RBPMS: variants seen among roughly 807,000 people sequenced by gnomAD.
The protein encoded by RBPMS is RNA binding protein, mRNA processing factor, also known as RNA-binding protein with multiple splicing.
Under a neutral mutation model 26.8 loss-of-function variants are expected in RBPMS, and 7 were observed. The observed-to-expected ratio is 0.26, with a 90% CI of 0.15 to 0.49. The LOEUF (loss-of-function observed/expected upper bound fraction) is 0.49, where lower values mean the gene tolerates loss of function less well. Ranked by LOEUF, RBPMS falls within the 20% of genes least tolerant of loss-of-function variation. The probability of loss-of-function intolerance (pLI) is 0.98; values close to 1 mark genes in which losing one functional copy is unlikely to be tolerated. For missense variants in RBPMS, 186 were observed against 250.0 expected, an observed-to-expected ratio of 0.74 and a Z score of 1.73; for synonymous variants, 96 against 93.3, an observed-to-expected ratio of 1.03 and a Z score of -0.17.
intron 1 of RBPMS, among the ~76,000 whole-genome samples, chr8:30,460,013 A>T (rs1219611549): frequency 6.6e-6 from 1 of 152,334 alleles, no homozygotes; most frequent in East Asian, 1.9e-4. Flanking sequence ...TAAGCAACAT[A>T]TAAACTTAAT....
At chr8:30,547,192 T>A (rs776681580) in intron 6 of RBPMS, 32 of 850,982 alleles carry the variant, frequency 3.8e-5, no homozygotes, top group Non-Finnish European at 5.5e-5. Flanking sequence ...AGTCTTTGTT[T>A]TGGAAATCTT....
chr8:30,500,116 T>C (rs1820394615), intron 4 of RBPMS, among the ~76,000 whole-genome samples: 1 of 152,228 alleles, frequency 6.6e-6, no homozygotes, highest in Non-Finnish European at 1.5e-5. Context: ...TTTTTAATTC[T>C]GTATTGGATT....
chr8:30,538,624 T>C (rs1159089644), intron 5 of RBPMS, among the ~76,000 whole-genome samples: 1 of 152,178 alleles, frequency 6.6e-6, no homozygotes, highest in African/African-American at 2.4e-5. Context: ...AGCCAGTGAA[T>C]GGGTTTGACA....
rs765147039 is a variant in RBPMS at position 30,555,295 on chromosome 8, CCAAA to C, written c.529-3589_529-3586del. Among the ~76,000 whole-genome samples the C allele has an allele frequency of 1.7e-3, 252 of 152,190 alleles. 4 individuals are homozygous for C. Among genetic ancestry groups the C allele is most frequent in the Admixed American group, 5.9e-3 (90 of 15,296 alleles). ...CCTGAAGAAGAGGGATGGTAGAATC[CCAAA>C]CAGTGTGGCCCTGGGTAGTGAACTG... On this transcript the variant is annotated intron_variant, in intron 6 of 8. Transcript: ENST00000397323.
At chr8:30,556,313 G>A (rs112979301) in intron 6 of RBPMS, 41 of 985,656 alleles carry the variant, frequency 4.2e-5, no homozygotes, top group Middle Eastern at 5.2e-4. Flanking sequence ...AGTGCGCCTC[G>A]ACCAGGCTGA....
intron 1 of RBPMS, among the ~76,000 whole-genome samples, chr8:30,464,104 A>C (rs1391505559): frequency 1.3e-5 from 2 of 152,232 alleles, no homozygotes; most frequent in South Asian, 4.1e-4. Flanking sequence ...GCAGTGAGCT[A>C]TGATTGTGCC....
intron 1 of RBPMS, among the ~76,000 whole-genome samples, chr8:30,444,329 A>G (rs955746639): frequency 6.6e-6 from 1 of 152,390 alleles, no homozygotes. Flanking sequence ...TAAGCGGGAT[A>G]AATTAAAGCT....
At chr8:30,478,740 C>T (rs1317373254) in intron 3 of RBPMS, among the ~76,000 whole-genome samples, 8 of 152,144 alleles carry the variant, frequency 5.3e-5, no homozygotes, top group South Asian at 2.1e-4. Context: ...CCTCGTGATC[C>T]GCCCACCTTG....
At chr8:30,498,807 AATGGTG>A (rs1302591765) in intron 4 of RBPMS, among the ~76,000 whole-genome samples, 2 of 152,150 alleles carry the variant, frequency 1.3e-5, no homozygotes, top group African/African-American at 4.8e-5. Context: ...GAATTAACCA[AATGGTG>A]TTAGATTGGA....
intron 7 of RBPMS, chr8:30,561,867 C>T (rs748151858): frequency 5.9e-5 from 58 of 984,994 alleles, no homozygotes; most frequent in Middle Eastern, 5.2e-4. Flanking sequence ...GAAGCAGTTG[C>T]GTGGGTTCCA....
chr8:30,512,824 T>C (rs749353817), intron 5 of RBPMS, among the ~76,000 whole-genome samples: 3 of 152,152 alleles, frequency 2.0e-5, no homozygotes, highest in Non-Finnish European at 4.4e-5. Context: ...CTCCTTAAGC[T>C]CTAGGAAACT....
At chr8:30,422,050 G>C (rs528852097) in intron 1 of RBPMS, among the ~76,000 whole-genome samples, 61 of 152,152 alleles carry the variant, frequency 4.0e-4, no homozygotes, top group Admixed American at 8.5e-4. Flanking sequence ...CTTAAAAGCA[G>C]TAGGGGGCTG....
At chr8:30,532,060 TAAATG>T (rs1327535766) in intron 5 of RBPMS, among the ~76,000 whole-genome samples, 2 of 152,234 alleles carry the variant, frequency 1.3e-5, no homozygotes, top group Non-Finnish European at 2.9e-5. Flanking sequence ...CTTCTGCTCT[TAAATG>T]AAGAGCATTG....
intron 5 of RBPMS, among the ~76,000 whole-genome samples, chr8:30,517,659 C>T (rs1585735441): frequency 6.6e-6 from 1 of 152,124 alleles, no homozygotes; most frequent in Admixed American, 6.5e-5. Flanking sequence ...CAGTTCTGCT[C>T]TTGGAGTGTT....
intron 1 of RBPMS, among the ~76,000 whole-genome samples, chr8:30,431,334 C>CTTTCT (rs796413973): frequency 7.0e-6 from 1 of 143,772 alleles, no homozygotes; most frequent in Non-Finnish European, 1.5e-5. Context: ...TTTCTCCTTT[C>CTTTCT]TTTCTTTTCT....
chr8:30,440,295 A>G, intron 1 of RBPMS, among the ~76,000 whole-genome samples: 1 of 152,070 alleles, frequency 6.6e-6, no homozygotes, highest in Non-Finnish European at 1.5e-5. Context: ...CACAACTTTT[A>G]CATCTTGCAA....
intron 5 of RBPMS, among the ~76,000 whole-genome samples, chr8:30,518,449 A>G (rs1822585780): frequency 6.6e-6 from 1 of 151,914 alleles, no homozygotes; most frequent in Non-Finnish European, 1.5e-5. Context: ...ATTTAGAGAC[A>G]GAGTCTTGCT....
At chr8:30,465,142 C>T (rs1202377327) in intron 1 of RBPMS, among the ~76,000 whole-genome samples, 2 of 152,140 alleles carry the variant, frequency 1.3e-5, no homozygotes, top group East Asian at 3.9e-4. Context: ...TTATAAGGAA[C>T]TTCTTGTTGA....
intron 5 of RBPMS, among the ~76,000 whole-genome samples, chr8:30,516,960 T>A (rs1373890648): frequency 6.8e-6 from 1 of 146,048 alleles, no homozygotes; most frequent in East Asian, 2.1e-4. Flanking sequence ...TTGATTTTTT[T>A]AATAATATAA....
Sources: gnomAD v4.1 joint callset for allele counts (sites outside exome capture counted in the v4.1 genomes callset) on GRCh38, gnomAD v4.1.1 for gene constraint, MANE v1.5 for transcripts, NCBI Gene and HGNC (gene_info 2026-07-23, HGNC 2026-07-21) for gene names.